SLC25A26: variants seen among roughly 807,000 people sequenced by gnomAD.
The protein encoded by SLC25A26 is solute carrier family 25 member 26, also known as mitochondrial S-adenosylmethionine carrier protein.
In SLC25A26, 36 loss-of-function variants were observed where a neutral mutation model predicts 37.8. That is an observed-to-expected ratio of 0.95 (90% CI 0.73 to 1.26). SLC25A26 has a LOEUF of 1.26. SLC25A26 is among the 50% of genes most tolerant of loss of function. SLC25A26 has a pLI of 0.00. For synonymous variants in SLC25A26, 129 were observed against 122.5 expected (o/e 1.05, Z -0.35); for missense variants, 390 against 331.1 (o/e 1.18, Z -1.38).
chr3:66,252,956 C>CA (rs1180266173), intron 3 of SLC25A26, among the ~76,000 whole-genome samples: 14 of 150,256 alleles, frequency 9.3e-5, no homozygotes, highest in African/African-American at 2.9e-4. Context: ...TAAGGATTCA[C>CA]ATCACTGGTT....
At chr3:66,374,439 G>A (rs964673393) in intron 9 of SLC25A26, among the ~76,000 whole-genome samples, 1 of 152,174 alleles carries the variant, frequency 6.6e-6, no homozygotes, top group Non-Finnish European at 1.5e-5. Flanking sequence ...TGTGGTGTGG[G>A]TTCGGGCTGT....
upstream of SLC25A26, among the ~76,000 whole-genome samples, chr3:66,216,584 G>T (rs2071364643): frequency 1.3e-5 from 2 of 151,632 alleles, no homozygotes; most frequent in African/African-American, 4.8e-5. Flanking sequence ...CTTAAGCCTA[G>T]TCCTGGTTGA....
chr3:66,242,954 G>C (rs904354170), intron 2 of SLC25A26, among the ~76,000 whole-genome samples: 25 of 152,306 alleles, frequency 1.6e-4, no homozygotes, highest in Non-Finnish European at 2.6e-4. Flanking sequence ...GTAAGTGCTA[G>C]ATTAGCACTT....
At chr3:66,294,558 C>A (rs1195429074) in intron 5 of SLC25A26, among the ~76,000 whole-genome samples, 2 of 152,100 alleles carry the variant, frequency 1.3e-5, no homozygotes, top group African/African-American at 4.8e-5. Flanking sequence ...TTATTTCATG[C>A]ATAACTCCTC....
chr3:66,240,461 AT>A (rs2072521158), intron 2 of SLC25A26, among the ~76,000 whole-genome samples: 1 of 151,664 alleles, frequency 6.6e-6, no homozygotes, highest in Non-Finnish European at 1.5e-5. Context: ...CTAATTATTT[AT>A]TTTTTTGTAG....
chr3:66,235,296 A>G (rs1274064536), intron 1 of SLC25A26, among the ~76,000 whole-genome samples: 1 of 152,180 alleles, frequency 6.6e-6, no homozygotes, highest in Admixed American at 6.5e-5. Flanking sequence ...ATTTGTCACT[A>G]TAATCATGAG....
chr3:66,173,503 G>T (rs971319840), intron 1 of SLC25A26, among the ~76,000 whole-genome samples: 1 of 152,184 alleles, frequency 6.6e-6, no homozygotes, highest in African/African-American at 2.4e-5. Context: ...AGCTTGCTAG[G>T]CTTCCTTTGT....
intron 5 of SLC25A26, among the ~76,000 whole-genome samples, chr3:66,316,316 A>T (rs1474485507): frequency 1.3e-5 from 2 of 152,168 alleles, no homozygotes; most frequent in Non-Finnish European, 2.9e-5. Context: ...CTTGGTGCTG[A>T]TGAATTCCCT....
chr3:66,351,551 T>G (rs1360919600), intron 6 of SLC25A26, among the ~76,000 whole-genome samples: 1 of 152,138 alleles, frequency 6.6e-6, no homozygotes. Flanking sequence ...TATACCAACT[T>G]GCATGTTTAT....
chr3:66,275,705 T>C (rs907848691), intron 5 of SLC25A26, among the ~76,000 whole-genome samples: 3 of 152,136 alleles, frequency 2.0e-5, no homozygotes, highest in Non-Finnish European at 2.9e-5. Flanking sequence ...TGTACTTCCA[T>C]TGAGATTAAT....
intron 1 of SLC25A26, among the ~76,000 whole-genome samples, chr3:66,209,893 TCTA>T (rs2071254887): frequency 2.2e-5 from 1 of 46,166 alleles, no homozygotes; most frequent in African/African-American, 6.7e-5. Flanking sequence ...TCTCTCTCTC[TCTA>T]TTTATATATA....
At position 66,194,337 on chromosome 3, in the gene SLC25A26, T is replaced by C. The variant is rs1046858014; in HGVS notation, c.-353-26405T>C. Reference sequence around the variant, plus strand: ...GGTTGAAAGGGTTCAGGGGATGGCTTGGTTTTGTTTTCCCACCTGGGGAAT... The same window carrying C: ...GGTTGAAAGGGTTCAGGGGATGGCTCGGTTTTGTTTTCCCACCTGGGGAAT... On this transcript the variant is annotated intron_variant, in intron 1 of 10. Coordinates refer to the SLC25A26 transcript ENST00000676754. Among the ~76,000 whole-genome samples the C allele has an allele frequency of 2.2e-4, 34 of 152,340 alleles. No individual in the cohort carries two copies. The East Asian group carries it at 4.6e-3, about 21-fold the overall frequency.
At position 66,185,534 on chromosome 3, in the gene SLC25A26, T is replaced by C. The variant is rs944289073; in HGVS notation, c.-353-35208T>C. On this transcript the variant is annotated intron_variant, in intron 1 of 10. Coordinates refer to the SLC25A26 transcript ENST00000676754. ...GAGGAACCAACCATATTGTTTTCCA[T>C]AGCGGCTGTGACCCTATCTTTTATG... Among the ~76,000 whole-genome samples the C allele has an allele frequency of 1.4e-3, 208 of 152,294 alleles. 1 individual carries two copies. Among genetic ancestry groups the C allele is most frequent in the African/African-American group, 4.7e-3 (196 of 41,572 alleles).
At chr3:66,368,164 C>T (rs1209526606) in intron 7 of SLC25A26, among the ~76,000 whole-genome samples, 1 of 152,134 alleles carries the variant, frequency 6.6e-6, no homozygotes, top group Non-Finnish European at 1.5e-5. Flanking sequence ...GCCACAAAAG[C>T]GAGAAGGAAA....
upstream of SLC25A26, chr3:66,220,953 C>G (rs2071456358): frequency 4.6e-6 from 4 of 873,814 alleles, no homozygotes; most frequent in South Asian, 5.7e-5. Context: ...TCGCGTTGCA[C>G]GTGCAGTTGT....
chr3:66,148,295 G>A (rs979832615), intron 1 of SLC25A26, among the ~76,000 whole-genome samples: 2 of 152,186 alleles, frequency 1.3e-5, no homozygotes, highest in African/African-American at 4.8e-5. Flanking sequence ...GTGGAGAGAA[G>A]TGAGCAGGGT....
rs138444120 is a variant in SLC25A26, at chr3:66,242,719, G to A, written c.191-484G>A. 2.7e-3 allele frequency among the ~76,000 whole-genome samples: 418 copies of A among 152,240 alleles called. 3 individuals carry two copies. Among genetic ancestry groups the A allele is most frequent in the African/African-American group, 9.6e-3 (400 of 41,548 alleles). ...CTGATTGTTTTCTTGATGTAAAAGT[G>A]AATTCATGCAGTAAAAAATAGCCAT... On this transcript the variant is annotated intron_variant, in intron 2 of 9. Transcript: ENST00000354883.
chr3:66,213,275 C>T (rs1361639654), intron 1 of SLC25A26, among the ~76,000 whole-genome samples: 1 of 151,776 alleles, frequency 6.6e-6, no homozygotes, highest in Non-Finnish European at 1.5e-5. Flanking sequence ...TAGCCCATAC[C>T]TGTAATCCCA....
At chr3:66,188,079 G>T (rs936379484) in intron 1 of SLC25A26, among the ~76,000 whole-genome samples, 1 of 151,998 alleles carries the variant, frequency 6.6e-6, no homozygotes, top group South Asian at 2.1e-4. Context: ...AACACTGAAC[G>T]TCACTCTAAT....
Sources: gnomAD v4.1 joint callset for allele counts (sites outside exome capture counted in the v4.1 genomes callset) on GRCh38, gnomAD v4.1.1 for gene constraint, MANE v1.5 for transcripts, NCBI Gene and HGNC (gene_info 2026-07-23, HGNC 2026-07-21) for gene names.